The following PSMF1 variants were observed in gnomAD, a reference collection of about 807,000 sequenced individuals.
The protein encoded by PSMF1 is proteasome inhibitor subunit 1, also known as proteasome inhibitor PI31 subunit.
Under a neutral mutation model 29.3 loss-of-function variants are expected in PSMF1, and 30 were observed. That is an observed-to-expected ratio of 1.02 (90% confidence interval 0.77 to 1.39). PSMF1 has a LOEUF of 1.39. PSMF1 is among the 40% of genes most tolerant of loss of function. The pLI is 0.00. For synonymous variants in PSMF1, 134 were observed against 139.7 expected (o/e 0.96, Z 0.29); for missense variants, 344 against 357.5 (o/e 0.96, Z 0.31).
In PSMF1 at chr20:1,168,863, A is replaced by G. The variant is rs557845849; in HGVS notation, c.*3783A>G. On this transcript the variant is annotated 3_prime_UTR_variant, in exon 7 of 7. Transcript: ENST00000335877. The stretch of plus-strand genomic sequence containing the variant: ...CAATAAGGCACCACCAGGGCAAGGG[A>G]AGATTCCCCACATGTATATCCCCAG... 1.0e-3 allele frequency among the ~76,000 whole-genome samples: 157 copies of G among 152,330 alleles called. No individual in the cohort carries two copies. The highest frequency in any genetic ancestry group is 1.9e-3 in the Admixed American group (29 of 15,300).
intron 1 of PSMF1, among the ~76,000 whole-genome samples, chr20:1,121,491 A>G (rs1425745122): frequency 1.3e-5 from 2 of 152,026 alleles, no homozygotes; most frequent in African/African-American, 4.8e-5. Flanking sequence ...GAAACTGGAG[A>G]GGCATCTTTC....
chr20:1,119,010 A>G (rs1010070393), intron 1 of PSMF1, 108 bp downstream of exon 1: 1 of 1,451,736 alleles, frequency 6.9e-7, no homozygotes, highest in Non-Finnish European at 9.4e-7. Flanking sequence ...CTCCCAGTGC[A>G]GGGTCTGGGG....
At position 1,118,638 on chromosome 20, in the gene PSMF1, T is replaced by C; in HGVS notation, c.-136T>C. On this transcript the variant is annotated 5_prime_UTR_variant, in exon 1 of 7. Coordinates refer to ENST00000335877, the MANE Select transcript of PSMF1 (RefSeq NM_006814.5). ...CCCGCCCCGTCCCCGGGCGTCTCCA[T>C]TTTGGTCTCAGGTGTGGACTCGGCA... 1 of 1,073,018 alleles carries C rather than the reference T, an allele frequency of 9.3e-7. No homozygotes were observed. Among genetic ancestry groups the C allele is most frequent in the Non-Finnish European group, 1.3e-6 (1 of 782,508 alleles). The allele number at this position is 1,073,018 out of a possible 1,614,324, so 66.5% of individuals were successfully genotyped here. A position where few individuals can be genotyped will look rare whatever the true frequency, so the allele number is the denominator to read the frequency against.
chr20:1,146,224 C>G (rs192118332), intron 4 of PSMF1, among the ~76,000 whole-genome samples: 1 of 151,802 alleles, frequency 6.6e-6, no homozygotes, highest in Non-Finnish European at 1.5e-5. Context: ...GTGTCTTCAC[C>G]GGAAAGGGAA....
chr20:1,140,944 C>G (rs2086372818), intron 4 of PSMF1, among the ~76,000 whole-genome samples: 1 of 152,148 alleles, frequency 6.6e-6, no homozygotes, highest in Non-Finnish European at 1.5e-5. Flanking sequence ...ACCTAAATGT[C>G]TATCATTTGA....
rs79465651 is a variant in PSMF1 at position 1,163,153 on chromosome 20, T to C, written c.575T>C (p.Val192Ala). 5,461 of 1,614,154 alleles carry C rather than the reference T, an allele frequency of 3.4e-3. 104 individuals carry two copies. The African/African-American group carries it at 0.047, about 14-fold the overall frequency. ...PPWCDPLGPF[V>A]VGGEDLDPFG... is the part of the protein sequence containing the mutation. ...AGGTGTGATCCCCTGGGCCCGTTTG[T>C]TGTCGGGGGAGAAGACTTAGACCCT... is the stretch of plus-strand genomic sequence containing the variant. The change falls in exon 5 of 7, where the codon GTT becomes GCT. Residue 192 changes from valine to alanine, a missense_variant. Transcript: ENST00000335877. This position sits in a 1 kb window ranked among gnomAD's most constrained non-coding sequence, Gnocchi z 6.1.
Position 1,135,280 on chromosome 20 carries a change from C to A in PSMF1, c.525C>A (p.His175Gln), listed in dbSNP as rs754794800. 5 of 1,613,580 alleles carry A rather than the reference C, an allele frequency of 3.1e-6. No individual in the cohort carries two copies. In the South Asian group the frequency reaches 4.4e-5, roughly 14 times the overall value. Reference protein sequence around the residue: ...EVDPLRIPPHHPHTSRQPPWC... With the variant: ...EVDPLRIPPHQPHTSRQPPWC... ...ACCCACTCCGGATTCCTCCACACCA[C>A]CCACACACCAGTCGGCAGCCTCCCT... Residue 175 changes from histidine to glutamine, a missense_variant, in exon 4 of 7, where the codon CAC (histidine) becomes CAA (glutamine). By Grantham distance (24) the His-to-Gln change is conservative. Coordinates refer to ENST00000335877, the MANE Select transcript of PSMF1 (RefSeq NM_006814.5).
chr20:1,135,801 T>C (rs899115463), intron 4 of PSMF1, among the ~76,000 whole-genome samples: 4 of 152,206 alleles, frequency 2.6e-5, no homozygotes, highest in African/African-American at 9.6e-5. Flanking sequence ...TTTTCCAAAA[T>C]AGCATGGGAT....
chr20:1,127,290 T>C (rs756881310), intron 2 of PSMF1, 136 bp from the exon 3 acceptor site: 1 of 799,384 alleles, frequency 1.3e-6, no homozygotes, highest in South Asian at 1.3e-5. Context: ...GTATTTCATA[T>C]AAACAGTCCT....
At chr20:1,154,064 A>G (rs774505467) in intron 4 of PSMF1, among the ~76,000 whole-genome samples, 7 of 152,254 alleles carry the variant, frequency 4.6e-5, no homozygotes, top group Non-Finnish European at 7.3e-5. Flanking sequence ...TTACTTGGCC[A>G]TTAAAAATGT....
chr20:1,155,485 C>T (rs1171207351), intron 4 of PSMF1, among the ~76,000 whole-genome samples: 3 of 152,174 alleles, frequency 2.0e-5, no homozygotes, highest in Admixed American at 6.5e-5. Flanking sequence ...AACTACATGG[C>T]AGAGCAGGTA....
At chr20:1,116,800 A>G (rs1323789512), upstream of PSMF1, among the ~76,000 whole-genome samples, 1 of 150,680 alleles carries the variant, frequency 6.6e-6, no homozygotes, top group Non-Finnish European at 1.5e-5. Flanking sequence ...CCAGAGAGGG[A>G]TTAAAGACGG....
upstream of PSMF1, among the ~76,000 whole-genome samples, chr20:1,114,320 A>G (rs956909413): frequency 1.3e-5 from 2 of 151,990 alleles, no homozygotes; most frequent in East Asian, 3.9e-4. Flanking sequence ...TTCCTGTCTC[A>G]CTTCCCTACT....
Position 1,167,079 on chromosome 20 carries a change from T to C in PSMF1, c.*1999T>C, listed in dbSNP as rs1009839863. On this transcript the variant is annotated 3_prime_UTR_variant, in exon 7 of 7. Coordinates refer to ENST00000335877, the MANE Select transcript of PSMF1 (RefSeq NM_006814.5). Reference sequence around the variant, plus strand: ...CACCTTCAGAATTGGCCATTTTTTTTGTGAGTTTCCTTGCATCAAGGACAC... The same window carrying C: ...CACCTTCAGAATTGGCCATTTTTTTCGTGAGTTTCCTTGCATCAAGGACAC... 2 of 152,228 alleles carry C rather than the reference T, an allele frequency of 1.3e-5. No homozygotes were observed. Among genetic ancestry groups the C allele is most frequent in the African/African-American group, 4.8e-5 (2 of 41,468 alleles). 9.4% of individuals were successfully genotyped at this position (152,228 alleles called of 1,614,324 possible).
chr20:1,140,093 T>C (rs997739527), intron 4 of PSMF1, among the ~76,000 whole-genome samples: 2 of 152,108 alleles, frequency 1.3e-5, no homozygotes, highest in Non-Finnish European at 2.9e-5. Context: ...CCCCCAGAAA[T>C]TGGCAAGCTG....
rs1416669462 is a variant in PSMF1 at position 1,168,951 on chromosome 20, T to C, written c.*3871T>C. Among the ~76,000 whole-genome samples, 2 of 152,188 alleles carry C rather than the reference T, an allele frequency of 1.3e-5. No individual in the cohort carries two copies. The highest frequency in any genetic ancestry group is 4.8e-5 in the African/African-American group (2 of 41,448). ...TATTGACTTTTTGCACCAAAGGAGA[T>C]ATTCAAGGACAGACATCCAAGTCCC... On this transcript the variant is annotated 3_prime_UTR_variant, in exon 7 of 7. Transcript: ENST00000335877.
At chr20:1,117,365 G>A (rs1315259756), upstream of PSMF1, among the ~76,000 whole-genome samples, 1 of 148,670 alleles carries the variant, frequency 6.7e-6, no homozygotes, top group African/African-American at 2.5e-5. Context: ...TGAGACAGAA[G>A]ATCGCTCTGT....
rs2086789937 is a variant in PSMF1 at position 1,171,522 on chromosome 20, C to T, written c.*6442C>T. On this transcript the variant is annotated 3_prime_UTR_variant, in exon 7 of 7. Coordinates refer to ENST00000335877, the MANE Select transcript of PSMF1 (RefSeq NM_006814.5). ...GCCACACAGACCACAAATCCTGGCT[C>T]CAAGTCCAGGGCGTTTCCAGTAAGC... Among the ~76,000 whole-genome samples, 2 of 152,216 alleles carry T rather than the reference C, an allele frequency of 1.3e-5. No homozygotes were observed. Among genetic ancestry groups the T allele is most frequent in the Non-Finnish European group, 2.9e-5 (2 of 68,044 alleles).
rs1206901686 is a variant in PSMF1, at chr20:1,172,128, GC to G, written c.*7049del. ...CTGCCCTCCTCCTCTCCCCCACAGA[GC>G]TTCCCAATTTACATGTAAACCTTGG... On this transcript the variant is annotated 3_prime_UTR_variant, in exon 7 of 7. Coordinates refer to ENST00000335877, the MANE Select transcript of PSMF1 (RefSeq NM_006814.5). Among the ~76,000 whole-genome samples, 2 of 152,216 alleles carry G rather than the reference GC, an allele frequency of 1.3e-5. No homozygotes were observed. Among genetic ancestry groups the G allele is most frequent in the African/African-American group, 4.8e-5 (2 of 41,448 alleles).
Sources: allele counts gnomAD v4.1 joint callset (sites outside exome capture counted in the v4.1 genomes callset), GRCh38; gene constraint gnomAD v4.1.1; non-coding constraint Gnocchi (gnomAD v3.1); transcripts MANE v1.5; gene names NCBI Gene and HGNC (gene_info 2026-07-23, HGNC 2026-07-21).